The following SEC24A variants were observed in gnomAD, a reference collection of about 807,000 sequenced individuals.
SEC24A encodes protein transport protein Sec24A.
SEC24A carries 93 observed loss-of-function variants against 129.4 expected under a neutral mutation model. That is an observed-to-expected ratio of 0.72 (90% CI 0.61 to 0.85). The LOEUF (loss-of-function observed/expected upper bound fraction) is 0.85, where lower values mean the gene tolerates loss of function less well. Ranked by LOEUF, SEC24A falls within the 40% of genes least tolerant of loss-of-function variation. The pLI is 0.00. For synonymous variants in SEC24A, 460 were observed against 467.3 expected (o/e 0.98, Z 0.20); for missense variants, 1,264 against 1,307.4 (o/e 0.97, Z 0.51).
chr5:134,706,660 C>T (rs1283705157), intron 17 of SEC24A, among the ~76,000 whole-genome samples: 2 of 152,006 alleles, frequency 1.3e-5, no homozygotes, highest in Non-Finnish European at 2.9e-5. Flanking sequence ...CCACCACACC[C>T]AGCTAACTAA....
At position 134,725,115 on chromosome 5, in the gene SEC24A, TA is replaced by T. The variant is rs1752729437; in HGVS notation, c.*22del. The T allele has an allele frequency of 8.2e-7, 1 of 1,222,622 alleles. No individual in the cohort carries two copies. Among genetic ancestry groups the T allele is most frequent in the Non-Finnish European group, 1.2e-6 (1 of 830,538 alleles). 75.7% of individuals were successfully genotyped at this position (1,222,622 alleles called of 1,614,324 possible). ...AATGAATGAATGAAGAAATTTGACT[TA>T]TTTTTAAGGAATGTCACGATAGTGC... is the stretch of plus-strand genomic sequence containing the variant. On this transcript the variant is annotated 3_prime_UTR_variant, in exon 23 of 23. Coordinates refer to ENST00000398844, the MANE Select transcript of SEC24A (RefSeq NM_021982.3).
At chr5:134,660,708 A>C (rs1256559570) in intron 1 of SEC24A, among the ~76,000 whole-genome samples, 1 of 151,576 alleles carries the variant, frequency 6.6e-6, no homozygotes, top group African/African-American at 2.4e-5. Context: ...GGCGCATACC[A>C]TCAAGGCTGG....
Position 134,675,177 on chromosome 5 carries a change from A to C in SEC24A, c.1111A>C (p.Asn371His), listed in dbSNP as rs1233662917. ...AACACCTTTGAAGCCTCCAGTTCCA[A>C]ATTTGCATGAAGACATCCAGAAACT... The part of the protein sequence containing the change: ...PSTPLKPPVP[N>H]LHEDIQKLNC... The change falls in exon 6 of 23, where the codon AAT becomes CAT. Residue 371 changes from asparagine to histidine, a missense_variant. Physicochemically the swap from Asn to His is moderately conservative, Grantham distance 68. Transcript: ENST00000398844. 1.2e-6 allele frequency: 2 copies of C among 1,613,210 alleles called. No homozygotes were observed. Among genetic ancestry groups the C allele is most frequent in the Non-Finnish European group, 1.7e-6 (2 of 1,179,350 alleles).
At chr5:134,692,527 G>T (rs1580718407) in intron 11 of SEC24A, 75 bp from the exon 12 acceptor site, 4 of 738,916 alleles carry the variant, frequency 5.4e-6, no homozygotes, top group Non-Finnish European at 9.3e-6. Flanking sequence ...GTGGTTAATT[G>T]CATTAGTGTT....
intron 3 of SEC24A, among the ~76,000 whole-genome samples, chr5:134,668,069 C>T (rs889867241): frequency 6.6e-6 from 1 of 150,836 alleles, no homozygotes; most frequent in African/African-American, 2.4e-5. Flanking sequence ...CAAAAATTAG[C>T]CTGGTGTGCT....
At chr5:134,712,819 C>G (rs1029351548) in intron 18 of SEC24A, among the ~76,000 whole-genome samples, 1 of 150,328 alleles carries the variant, frequency 6.7e-6, no homozygotes, top group East Asian at 2.0e-4. Context: ...GGGGTTTCAC[C>G]GTGTTAACCA....
chr5:134,659,304 C>T (rs1296402119), intron 1 of SEC24A, among the ~76,000 whole-genome samples: 3 of 151,970 alleles, frequency 2.0e-5, no homozygotes, highest in Non-Finnish European at 4.4e-5. Flanking sequence ...GATCTCCTGA[C>T]CTCGTGATCC....
chr5:134,708,630 A>G, intron 17 of SEC24A, 83 bp from the exon 18 acceptor site: 1 of 1,260,082 alleles, frequency 7.9e-7, no homozygotes, highest in African/African-American at 1.5e-5. Flanking sequence ...ATAGTTTTTA[A>G]AAATTATCTC....
intron 14 of SEC24A, 104 bp downstream of exon 14, chr5:134,697,350 C>T (rs1751860439): frequency 1.4e-5 from 13 of 942,756 alleles, no homozygotes; most frequent in East Asian, 2.4e-5. Context: ...ATATGTATGC[C>T]CTTGGGAAAG....
In SEC24A at chr5:134,661,438, A is replaced by G; in HGVS notation, c.417A>G (p.Gln139=). 2 of 1,614,208 alleles carry G rather than the reference A, an allele frequency of 1.2e-6. No homozygotes were observed. The highest frequency in any genetic ancestry group is 1.7e-6 in the Non-Finnish European group (2 of 1,180,048). ...EANLPPPLNW[Q]YNYPSTASQT... ...ACCTGCCACCACCTTTGAATTGGCA[A>G]TATAACTATCCATCCACAGCCTCAC... is the stretch of plus-strand genomic sequence containing the variant. The change falls in exon 2 of 23, where the codon CAA becomes CAG. Residue 139 remains glutamine, a synonymous_variant. Coordinates refer to ENST00000398844, the MANE Select transcript of SEC24A (RefSeq NM_021982.3).
chr5:134,667,171 C>T (rs981057439), intron 3 of SEC24A, among the ~76,000 whole-genome samples, 175 bp downstream of exon 3: 26 of 152,038 alleles, frequency 1.7e-4, no homozygotes, highest in African/African-American at 5.8e-4. Context: ...CATTGCCATC[C>T]GCTGGGCTGT....
chr5:134,679,805 TAAAAAA>T (rs765354080), intron 8 of SEC24A, 77 bp downstream of exon 8: 2 of 932,868 alleles, frequency 2.1e-6, no homozygotes, highest in Non-Finnish European at 2.8e-6. Flanking sequence ...AATGCACAGT[TAAAAAA>T]AAAAAACCCT....
In SEC24A at chr5:134,693,191, A is replaced by G. The variant is rs542043105; in HGVS notation, c.1779+534A>G. 4.6e-5 allele frequency: 71 copies of G among 1,530,376 alleles called. No homozygotes were observed. In the African/African-American group the frequency reaches 4.7e-4, roughly 10 times the overall value. 94.8% of individuals were successfully genotyped at this position (1,530,376 alleles called of 1,614,324 possible). Reference sequence around the variant, plus strand: ...GGGTAACATTTTAACTAGCAAGTCTATGGTCTCTGCTGTTGGCAATGGTGA... The same window carrying G: ...GGGTAACATTTTAACTAGCAAGTCTGTGGTCTCTGCTGTTGGCAATGGTGA... On this transcript the variant is annotated intron_variant, in intron 12 of 22. Coordinates refer to ENST00000398844, the MANE Select transcript of SEC24A (RefSeq NM_021982.3).
At chr5:134,701,048 T>C (rs1169815339) in intron 15 of SEC24A, 1 of 151,984 alleles carries the variant, frequency 6.6e-6, no homozygotes, top group Non-Finnish European at 1.5e-5. Context: ...TGTTTCGCCA[T>C]GTTGGCCAGG....
chr5:134,724,925 C>G (rs1561836966), intron 22 of SEC24A, 55 bp from the exon 23 acceptor site: 21 of 841,350 alleles, frequency 2.5e-5, no homozygotes, highest in Non-Finnish European at 3.7e-5. Flanking sequence ...AGCCTTCTGA[C>G]AAGTCTATTT....
chr5:134,705,084 ATATATAT>A (rs1340519149), intron 16 of SEC24A, among the ~76,000 whole-genome samples: 37 of 128,988 alleles, frequency 2.9e-4, no homozygotes, highest in African/African-American at 1.1e-3. Context: ...ATATATATAT[ATATATAT>A]TTTTTTTTTT....
intron 4 of SEC24A, 102 bp downstream of exon 4, chr5:134,671,988 A>G: frequency 1.4e-6 from 1 of 718,970 alleles, no homozygotes; most frequent in Non-Finnish European, 2.4e-6. Flanking sequence ...GGGAAACTTC[A>G]TAATCATGTA....
chr5:134,697,349 C>T, intron 14 of SEC24A, 103 bp downstream of exon 14: 1 of 949,956 alleles, frequency 1.1e-6, no homozygotes, highest in Non-Finnish European at 1.6e-6. Flanking sequence ...AATATGTATG[C>T]CCTTGGGAAA....
chr5:134,661,517 A>G lies in SEC24A; in HGVS notation c.496A>G (p.Ser166Gly). 6.2e-7 allele frequency: 1 copy of G among 1,614,150 alleles called. No individual in the cohort carries two copies. Among genetic ancestry groups the G allele is most frequent in the Non-Finnish European group, 8.5e-7 (1 of 1,180,000 alleles). Residue 166 changes from serine to glycine, a missense_variant, in exon 2 of 23, where the codon AGT (serine) becomes GGT (glycine). Ser to Gly is a moderately conservative substitution (Grantham distance 56, BLOSUM62 0). Coordinates refer to ENST00000398844, the MANE Select transcript of SEC24A (RefSeq NM_021982.3). ...CCAACCAACTGTATCTGGAAATACA[A>G]GTTTAACCACAAATCATCAATATGT... ...SSQPTVSGNT[S>G]LTTNHQYVSS...
Sources: allele counts gnomAD v4.1 joint callset (sites outside exome capture counted in the v4.1 genomes callset), GRCh38; gene constraint gnomAD v4.1.1; transcripts MANE v1.5; gene names NCBI Gene and HGNC (gene_info 2026-07-23, HGNC 2026-07-21).